Variants in ADAM12 observed in about 807,000 individuals in gnomAD.
ADAM12 encodes the protein disintegrin and metalloproteinase domain-containing protein 12.
Under a neutral mutation model 106.4 loss-of-function variants are expected in ADAM12, and 70 were observed. The ratio of observed to expected loss-of-function variants is 0.66; its 90% confidence interval spans 0.54 to 0.80. The LOEUF is 0.80. ADAM12 is among the 30% of genes least tolerant of loss of function. ADAM12 has a pLI of 0.00. For missense variants in ADAM12, 1,010 were observed against 1,171.9 expected, an observed-to-expected ratio of 0.86 and a Z score of 2.02; for synonymous variants, 420 against 433.5, an observed-to-expected ratio of 0.97 and a Z score of 0.39.
Position 126,247,237 on chromosome 10 carries a change from C to A in ADAM12, c.260+31678G>T, listed in dbSNP as rs191939068. ...CATTGCTAGAAAATTGAAGGAGAAT[C>A]AAATGCGTCCTTTACTTAAACATTG... is the stretch of plus-strand genomic sequence containing the variant. On this transcript the variant is annotated intron_variant, in intron 3 of 22. Coordinates refer to ENST00000448723, the MANE Select transcript of ADAM12 (RefSeq NM_001288973.2). Among the ~76,000 whole-genome samples, 248 of 152,318 alleles carry A rather than the reference C, an allele frequency of 1.6e-3. 4 individuals are homozygous for A. The highest frequency in any genetic ancestry group is 5.1e-3 in the Admixed American group (78 of 15,302).
At chr10:126,245,797 T>A (rs922953339) in intron 3 of ADAM12, among the ~76,000 whole-genome samples, 19 of 151,934 alleles carry the variant, frequency 1.3e-4, no homozygotes, top group African/African-American at 4.4e-4. Flanking sequence ...AGCATTGGAT[T>A]TGGCAAGAAA....
intron 3 of ADAM12, among the ~76,000 whole-genome samples, chr10:126,191,951 C>T (rs780850405): frequency 9.2e-5 from 14 of 152,314 alleles, no homozygotes; most frequent in East Asian, 1.9e-4. Context: ...GCACGTCTTA[C>T]ATGGCTGGAT....
chr10:126,365,434 A>T lies in ADAM12; in HGVS notation c.88+22624T>A, dbSNP rs374789047. Among the ~76,000 whole-genome samples, 5 of 152,328 alleles carry T rather than the reference A, an allele frequency of 3.3e-5. No homozygotes were observed. In the East Asian group the frequency reaches 7.7e-4, roughly 23 times the overall value. On this transcript the variant is annotated intron_variant, in intron 1 of 22. Coordinates refer to ENST00000448723, the MANE Select transcript of ADAM12 (RefSeq NM_001288973.2). ...GCTTCAGAGAAACAGGCCAGGAAGAACATAAAGGGGTGTATCAGTCTGTTC... is the reference window on the plus strand; with the variant it reads ...GCTTCAGAGAAACAGGCCAGGAAGATCATAAAGGGGTGTATCAGTCTGTTC...
intron 3 of ADAM12, among the ~76,000 whole-genome samples, chr10:126,278,473 C>A (rs1173433037): frequency 1.3e-5 from 2 of 152,068 alleles, no homozygotes; most frequent in African/African-American, 4.8e-5. Context: ...CAGAAATAGT[C>A]CAAATCACTG....
intron 8 of ADAM12, among the ~76,000 whole-genome samples, chr10:126,102,192 T>C (rs549603407): frequency 6.6e-5 from 10 of 152,046 alleles, no homozygotes; most frequent in Non-Finnish European, 4.4e-5. Flanking sequence ...AGGCATCACA[T>C]AGACAAGCAG....
intron 3 of ADAM12, among the ~76,000 whole-genome samples, chr10:126,165,677 A>G (rs12264492): frequency 0.38 from 57,650 of 152,000 alleles, 12,459 homozygotes; most frequent in African/African-American, 0.6. Context: ...CTTCCCAGGA[A>G]GCAGCATCAG....
chr10:126,126,393 T>C (rs546667397), intron 5 of ADAM12, among the ~76,000 whole-genome samples: 46 of 152,210 alleles, frequency 3.0e-4, no homozygotes, highest in Non-Finnish European at 6.3e-4. Flanking sequence ...CAACATTTTA[T>C]TAAATTGATA....
At position 126,064,678 on chromosome 10, in the gene ADAM12, A is replaced by T; in HGVS notation, c.1609+128T>A. On this transcript the variant is annotated intron_variant, in intron 14 of 22. Coordinates refer to ENST00000448723, the MANE Select transcript of ADAM12 (RefSeq NM_001288973.2). This position sits in a 1 kb window ranked among gnomAD's most constrained non-coding sequence, Gnocchi z 4.4. ...GGGAGTCAATCACTCCCGACTGAAC[A>T]CACCGGATGCTGTGTGGACAGCGCC... The T allele has an allele frequency of 2.0e-6, 2 of 1,010,232 alleles. No homozygotes were observed. Among genetic ancestry groups the T allele is most frequent in the Non-Finnish European group, 2.9e-6 (2 of 696,194 alleles). The allele number at this position is 1,010,232 out of a possible 1,614,324, so 62.6% of individuals were successfully genotyped here.
At chr10:126,325,925 C>A (rs998843057) in intron 2 of ADAM12, among the ~76,000 whole-genome samples, 1 of 152,176 alleles carries the variant, frequency 6.6e-6, no homozygotes, top group African/African-American at 2.4e-5. Flanking sequence ...TAGACAACAA[C>A]CAATGAACAA....
At chr10:126,063,890 C>T (rs116184487) in intron 14 of ADAM12, among the ~76,000 whole-genome samples, 2,311 of 152,266 alleles carry the variant, frequency 0.015, 60 homozygotes, top group African/African-American at 0.051. Context: ...ATGGATTCTT[C>T]CCTTTTGCAT....
intron 3 of ADAM12, among the ~76,000 whole-genome samples, chr10:126,187,660 C>T (rs1467119207): frequency 6.6e-6 from 1 of 152,190 alleles, no homozygotes; most frequent in African/African-American, 2.4e-5. Context: ...AGTGACTTCA[C>T]AGAGGCTGTC....
At chr10:126,323,871 A>T (rs1257781024) in intron 2 of ADAM12, among the ~76,000 whole-genome samples, 1 of 152,216 alleles carries the variant, frequency 6.6e-6, no homozygotes, top group East Asian at 1.9e-4. Flanking sequence ...TCCACAGAGC[A>T]CTGGGGCATT....
intron 3 of ADAM12, among the ~76,000 whole-genome samples, chr10:126,204,620 A>T (rs938556179): frequency 3.3e-5 from 5 of 152,226 alleles, no homozygotes; most frequent in Non-Finnish European, 7.3e-5. Context: ...AGAGACCGCA[A>T]ATGAAAATGT....
chr10:126,264,071 A>G (rs1295390371), intron 3 of ADAM12, among the ~76,000 whole-genome samples: 1 of 152,226 alleles, frequency 6.6e-6, no homozygotes, highest in African/African-American at 2.4e-5. Flanking sequence ...CCAACCTAAC[A>G]TTCTATATAT....
intron 11 of ADAM12, among the ~76,000 whole-genome samples, chr10:126,082,363 G>GTTTTTTTTTTTTTTTTTTTT (rs5788763): frequency 2.5e-5 from 2 of 80,780 alleles, no homozygotes; most frequent in African/African-American, 1.1e-4. Context: ...TCTAATGACT[G>GTTTTTTTTTTTTTTTTTTTT]TTTTTTTTTT....
At chr10:126,359,983 G>C (rs1005252295) in intron 1 of ADAM12, among the ~76,000 whole-genome samples, 1 of 152,186 alleles carries the variant, frequency 6.6e-6, no homozygotes, top group Non-Finnish European at 1.5e-5. Flanking sequence ...CTTGACTTCT[G>C]TGTACCCACA....
chr10:126,229,185 G>A (rs1565152923), intron 3 of ADAM12, among the ~76,000 whole-genome samples: 1 of 152,116 alleles, frequency 6.6e-6, no homozygotes, highest in South Asian at 2.1e-4. Flanking sequence ...TCCGGTGGAG[G>A]GAGAGGAACC....
chr10:126,363,679 C>T (rs1855813123), intron 1 of ADAM12, among the ~76,000 whole-genome samples: 1 of 152,122 alleles, frequency 6.6e-6, no homozygotes, highest in Non-Finnish European at 1.5e-5. Context: ...GGTTAGCCTG[C>T]TACGGAGATG....
At chr10:126,176,987 T>G (rs1322783746) in intron 3 of ADAM12, among the ~76,000 whole-genome samples, 1 of 152,108 alleles carries the variant, frequency 6.6e-6, no homozygotes, top group Non-Finnish European at 1.5e-5. Context: ...GAATCTGTCA[T>G]TGGGTCACCT....
Sources: allele counts gnomAD v4.1 joint callset (sites outside exome capture counted in the v4.1 genomes callset), GRCh38; gene constraint gnomAD v4.1.1; non-coding constraint Gnocchi (gnomAD v3.1); transcripts MANE v1.5; gene names NCBI Gene and HGNC (gene_info 2026-07-23, HGNC 2026-07-21).